Variants in STK33 observed in about 807,000 individuals in gnomAD.
The protein encoded by STK33 is serine/threonine-protein kinase 33.
STK33 carries 52 observed loss-of-function variants against 58.0 expected under a neutral mutation model. That is an observed-to-expected ratio of 0.90 (90% confidence interval 0.72 to 1.13). The LOEUF is 1.13. Ranked by LOEUF, STK33 falls within the 50% of genes most tolerant of loss-of-function variation. The pLI is 0.00. For synonymous variants in STK33, 215 were observed against 200.1 expected (o/e 1.07, Z -0.63); for missense variants, 630 against 604.2 (o/e 1.04, Z -0.45).
At chr11:8,386,151 C>T in the STK33 span, among the ~76,000 whole-genome samples, 10 of 152,280 alleles carry the variant, frequency 6.6e-5, no homozygotes, top group East Asian at 1.2e-3. Context: ...TCATCTTATA[C>T]AGGAAAAGAA....
chr11:8,367,867 C>T, the STK33 span, among the ~76,000 whole-genome samples: 1,565 of 152,228 alleles, frequency 0.01, 25 homozygotes, highest in African/African-American at 0.034. Flanking sequence ...AGTGGACACA[C>T]TCATCACACA....
chr11:8,539,564 C>T (rs1955339237), intron 1 of STK33, among the ~76,000 whole-genome samples: 1 of 152,158 alleles, frequency 6.6e-6, no homozygotes, highest in South Asian at 2.1e-4. Context: ...CAATGGAGCA[C>T]CCCTAAAATA....
At chr11:8,425,335 A>G (rs911629265) in intron 14 of STK33, among the ~76,000 whole-genome samples, 12 of 152,260 alleles carry the variant, frequency 7.9e-5, no homozygotes, top group African/African-American at 2.6e-4. Flanking sequence ...GTTCTGTTCC[A>G]GTGGTCTACA....
chr11:8,478,869 T>C (rs1427368645), intron 2 of STK33, among the ~76,000 whole-genome samples: 3 of 152,318 alleles, frequency 2.0e-5, no homozygotes, highest in Admixed American at 6.5e-5. Context: ...ATGATATTGC[T>C]ATATTTTAAG....
intron 1 of STK33, among the ~76,000 whole-genome samples, chr11:8,490,009 A>T (rs1950487038): frequency 6.6e-6 from 1 of 152,210 alleles, no homozygotes. Flanking sequence ...TCAACGCAGA[A>T]GATGGGTGAT....
At chr11:8,577,468 G>A (rs1373478323) in intron 1 of STK33, among the ~76,000 whole-genome samples, 2 of 152,076 alleles carry the variant, frequency 1.3e-5, no homozygotes, top group Non-Finnish European at 2.9e-5. Context: ...TATGCTACAT[G>A]CTATAAGCAG....
At chr11:8,377,308 A>C in the STK33 span, among the ~76,000 whole-genome samples, 1 of 152,218 alleles carries the variant, frequency 6.6e-6, no homozygotes, top group Admixed American at 6.5e-5. Context: ...CCCCCTAAAA[A>C]CTGGCCAATT....
intron 12 of STK33, among the ~76,000 whole-genome samples, 154 bp from the exon 13 acceptor site, chr11:8,436,293 C>A (rs1944058993): frequency 6.6e-6 from 1 of 152,036 alleles, no homozygotes; most frequent in African/African-American, 2.4e-5. Flanking sequence ...AAAATGGAAA[C>A]AACAGGGTTT....
chr11:8,539,264 G>T (rs1955306574), intron 1 of STK33, among the ~76,000 whole-genome samples: 1 of 152,176 alleles, frequency 6.6e-6, no homozygotes, highest in African/African-American at 2.4e-5. Context: ...CATTATCATA[G>T]AGACTTACAT....
chr11:8,517,519 G>A (rs552431074), intron 1 of STK33, among the ~76,000 whole-genome samples: 11 of 152,310 alleles, frequency 7.2e-5, no homozygotes, highest in South Asian at 2.1e-4. Context: ...GGCTTCAGAC[G>A]ATCGGTAATA....
chr11:8,365,637 C>T, the STK33 span, among the ~76,000 whole-genome samples: 1 of 152,330 alleles, frequency 6.6e-6, no homozygotes, highest in East Asian at 1.9e-4. Flanking sequence ...CCACCTCCAC[C>T]TACCCACTGC....
chr11:8,351,961 G>T, the STK33 span, among the ~76,000 whole-genome samples: 1 of 152,192 alleles, frequency 6.6e-6, no homozygotes, highest in African/African-American at 2.4e-5. Context: ...CACGGTCGGA[G>T]GACTGAGATC....
At chr11:8,524,423 A>T (rs914633720) in intron 1 of STK33, among the ~76,000 whole-genome samples, 9 of 152,238 alleles carry the variant, frequency 5.9e-5, no homozygotes, top group African/African-American at 2.2e-4. Context: ...ACAAGTCAGT[A>T]GAAAAAATAA....
chr11:8,424,767 T>G (rs1159161148), intron 14 of STK33, among the ~76,000 whole-genome samples: 1 of 141,434 alleles, frequency 7.1e-6, no homozygotes, highest in African/African-American at 2.8e-5. Context: ...TCACGTGTCT[T>G]TTGGCTGCAT....
the STK33 span, among the ~76,000 whole-genome samples, chr11:8,365,548 T>A: frequency 6.6e-6 from 1 of 152,224 alleles, no homozygotes; most frequent in African/African-American, 2.4e-5. Context: ...CTGCTGGGAA[T>A]GAGTTCAGCC....
chr11:8,490,484 G>C (rs11517716), intron 1 of STK33, among the ~76,000 whole-genome samples: 14,123 of 152,210 alleles, frequency 0.093, 1,544 homozygotes, highest in African/African-American at 0.27. Flanking sequence ...CCACGTCTGG[G>C]GGCAGGGCAT....
chr11:8,518,100 G>C (rs1952987782), intron 1 of STK33, among the ~76,000 whole-genome samples: 1 of 152,106 alleles, frequency 6.6e-6, no homozygotes, highest in African/African-American at 2.4e-5. Context: ...AGAAAGGTCG[G>C]GTTACCCACA....
chr11:8,336,986 C>G, the STK33 span, among the ~76,000 whole-genome samples: 1 of 152,228 alleles, frequency 6.6e-6, no homozygotes, highest in African/African-American at 2.4e-5. Context: ...CCTGCTCCAG[C>G]CCAAATGCAC....
intron 1 of STK33, among the ~76,000 whole-genome samples, chr11:8,540,058 G>C (rs1028689049): frequency 1.3e-5 from 2 of 152,082 alleles, no homozygotes; most frequent in Admixed American, 6.6e-5. Context: ...CCTCTTCTGG[G>C]TGTATACCCA....
Sources: gnomAD v4.1 joint callset for allele counts (sites outside exome capture counted in the v4.1 genomes callset) on GRCh38, gnomAD v4.1.1 for gene constraint, MANE v1.5 for transcripts, NCBI Gene and HGNC (gene_info 2026-07-23, HGNC 2026-07-21) for gene names.